The following AP3S1 variants were observed in gnomAD, a reference collection of about 807,000 sequenced individuals.
AP3S1 encodes the protein adaptor related protein complex 3 subunit sigma 1.
AP3S1 carries 12 observed loss-of-function variants against 21.3 expected under a neutral mutation model. The observed-to-expected ratio is 0.56, with a 90% CI of 0.36 to 0.91. The LOEUF is 0.91. AP3S1 is among the 40% of genes least tolerant of loss of function. AP3S1 has a pLI of 0.01. For synonymous variants in AP3S1, 48 were observed against 78.4 expected (o/e 0.61, Z 2.05); for missense variants, 116 against 225.0 (o/e 0.52, Z 3.10).
chr5:115,879,508 T>A (rs1218923177), intron 3 of AP3S1, among the ~76,000 whole-genome samples: 1 of 152,200 alleles, frequency 6.6e-6, no homozygotes, highest in East Asian at 1.9e-4. Context: ...GTTTATTGAT[T>A]TGCGTATGTT....
chr5:115,868,743 G>T (rs1285793607), intron 2 of AP3S1, among the ~76,000 whole-genome samples: 1 of 151,892 alleles, frequency 6.6e-6, no homozygotes, highest in Admixed American at 6.6e-5. Flanking sequence ...TCAGCCAGGT[G>T]TGGTGGTGTG....
chr5:115,847,650 G>A lies in AP3S1; in HGVS notation c.69+5544G>A, dbSNP rs1280150063. 2.0e-5 allele frequency among the ~76,000 whole-genome samples: 3 copies of A among 151,894 alleles called. No individual in the cohort carries two copies. The East Asian group carries it at 5.8e-4, about 29-fold the overall frequency. On this transcript the variant is annotated intron_variant, in intron 1 of 5. Coordinates refer to ENST00000316788, the MANE Select transcript of AP3S1 (RefSeq NM_001284.4). ...TTAAAAAAATATATGTTTTTATTGAGGTATAGATGACAAAAAAAAATTACA... is the reference window on the plus strand; with the variant it reads ...TTAAAAAAATATATGTTTTTATTGAAGTATAGATGACAAAAAAAAATTACA...
intron 1 of AP3S1, among the ~76,000 whole-genome samples, chr5:115,866,249 G>A (rs1763607515): frequency 6.6e-6 from 1 of 152,136 alleles, no homozygotes; most frequent in Non-Finnish European, 1.5e-5. Flanking sequence ...AAACTTAATT[G>A]GAAGCTCCAT....
At chr5:115,866,144 A>C (rs1306601676) in intron 1 of AP3S1, among the ~76,000 whole-genome samples, 1 of 152,164 alleles carries the variant, frequency 6.6e-6, no homozygotes, top group Non-Finnish European at 1.5e-5. Flanking sequence ...CAGGTTAATA[A>C]ATGTTTATTG....
intron 4 of AP3S1, among the ~76,000 whole-genome samples, chr5:115,901,780 T>C (rs175674): frequency 0.84 from 127,307 of 152,040 alleles, 53,721 homozygotes; most frequent in African/African-American, 0.94. Flanking sequence ...CTGTCCACCT[T>C]GTCCTCCCAA....
intron 2 of AP3S1, among the ~76,000 whole-genome samples, chr5:115,868,907 G>A (rs1026335221): frequency 5.7e-5 from 7 of 123,188 alleles, no homozygotes; most frequent in Admixed American, 1.9e-4. Flanking sequence ...GAGAGAGACA[G>A]AGAAAGAGAG....
intron 4 of AP3S1, among the ~76,000 whole-genome samples, chr5:115,895,857 GT>G (rs1750715364): frequency 1.3e-5 from 2 of 152,182 alleles, no homozygotes; most frequent in African/African-American, 4.8e-5. Flanking sequence ...CTAAGATTAG[GT>G]TTGGAAGAAG....
chr5:115,882,389 T>C (rs1749373960), intron 3 of AP3S1, among the ~76,000 whole-genome samples: 1 of 152,202 alleles, frequency 6.6e-6, no homozygotes, highest in Non-Finnish European at 1.5e-5. Flanking sequence ...AGTTTTTGTG[T>C]GGACATCCTT....
chr5:115,844,561 G>C (rs887159845), intron 1 of AP3S1, among the ~76,000 whole-genome samples: 3 of 152,220 alleles, frequency 2.0e-5, no homozygotes, highest in Non-Finnish European at 4.4e-5. Flanking sequence ...GAGAGCGCCT[G>C]TTTGAAGAAC....
chr5:115,847,068 T>G (rs1762116955), intron 1 of AP3S1, among the ~76,000 whole-genome samples: 1 of 152,212 alleles, frequency 6.6e-6, no homozygotes, highest in Admixed American at 6.5e-5. Context: ...TTTTCTCCTT[T>G]GGTAATCAGT....
At chr5:115,872,007 A>T (rs931530809) in intron 3 of AP3S1, among the ~76,000 whole-genome samples, 3 of 152,188 alleles carry the variant, frequency 2.0e-5, no homozygotes, top group African/African-American at 7.2e-5. Flanking sequence ...CACTGTGGCT[A>T]AGGCTTTAAA....
intron 1 of AP3S1, among the ~76,000 whole-genome samples, chr5:115,865,329 T>C (rs1179917750): frequency 6.6e-6 from 1 of 152,178 alleles, no homozygotes; most frequent in Non-Finnish European, 1.5e-5. Flanking sequence ...AAAAGTGTAG[T>C]GGAGTTAACA....
Position 115,913,503 on chromosome 5 carries a change from G to T in AP3S1, c.*13G>T, listed in dbSNP as rs1413457905. On this transcript the variant is annotated 3_prime_UTR_variant, in exon 6 of 6. Transcript: ENST00000316788. ...CTCTTTTAAATAAAAATGTAAAAAG[G>T]CCACTCCCAGGTAAAATCCAGGGGG... 1.2e-6 allele frequency: 2 copies of T among 1,611,300 alleles called. No individual in the cohort carries two copies. The highest frequency in any genetic ancestry group is 2.7e-5 in the African/African-American group (2 of 74,842).
intron 1 of AP3S1, among the ~76,000 whole-genome samples, chr5:115,850,946 C>T (rs953587030): frequency 6.6e-6 from 1 of 152,142 alleles, no homozygotes; most frequent in Admixed American, 6.5e-5. Context: ...GTCAGGAATT[C>T]TCACTAGTTT....
intron 3 of AP3S1, among the ~76,000 whole-genome samples, chr5:115,876,268 C>T (rs997088781): frequency 3.7e-4 from 56 of 152,260 alleles, no homozygotes; most frequent in African/African-American, 1.3e-3. Context: ...ATATAGTAGA[C>T]ACGCTTTTCT....
At chr5:115,884,207 T>C (rs1408196925) in intron 3 of AP3S1, among the ~76,000 whole-genome samples, 18 of 152,218 alleles carry the variant, frequency 1.2e-4, no homozygotes, top group Non-Finnish European at 2.9e-5. Context: ...GCTCATATTT[T>C]GGCATACTTT....
chr5:115,892,253 G>C (rs780689115), intron 3 of AP3S1, among the ~76,000 whole-genome samples: 2 of 152,126 alleles, frequency 1.3e-5, no homozygotes, highest in African/African-American at 4.8e-5. Flanking sequence ...GCGGTTTGGA[G>C]GTTCCTCAAA....
Position 115,841,979 on chromosome 5 carries a change from G to T in AP3S1, c.-59G>T. Reference sequence around the variant, plus strand: ...ATCGCAGGCGAGATTACGAGGCGAGGCTCGCGCGCCCGCCCCCGCCCTGGC... The same window carrying T: ...ATCGCAGGCGAGATTACGAGGCGAGTCTCGCGCGCCCGCCCCCGCCCTGGC... On this transcript the variant is annotated 5_prime_UTR_variant, in exon 1 of 6. Transcript: ENST00000316788. 1 of 1,539,578 alleles carries T rather than the reference G, an allele frequency of 6.5e-7. No individual in the cohort carries two copies. Among genetic ancestry groups the T allele is most frequent in the Non-Finnish European group, 8.8e-7 (1 of 1,142,532 alleles).
At chr5:115,842,963 A>AATAGTAGC (rs372515529) in intron 1 of AP3S1, among the ~76,000 whole-genome samples, 5,079 of 148,778 alleles carry the variant, frequency 0.034, 308 homozygotes, top group African/African-American at 0.12. Context: ...ATTTATGAAG[A>AATAGTAGC]ATAGTAGCAT....
Sources: allele counts gnomAD v4.1 joint callset (sites outside exome capture counted in the v4.1 genomes callset), GRCh38; gene constraint gnomAD v4.1.1; transcripts MANE v1.5; gene names NCBI Gene and HGNC (gene_info 2026-07-23, HGNC 2026-07-21).